The following PXDN variants were observed in gnomAD, a reference collection of about 807,000 sequenced individuals.
PXDN encodes the protein peroxidasin.
Under a neutral mutation model 140.3 loss-of-function variants are expected in PXDN, and 77 were observed. That is an observed-to-expected ratio of 0.55 (90% CI 0.46 to 0.66). PXDN has a LOEUF of 0.66. PXDN is among the 30% of genes least tolerant of loss of function. The pLI is 0.00. For missense variants in PXDN, 1,838 were observed against 2,039.5 expected, an observed-to-expected ratio of 0.90 and a Z score of 1.90; for synonymous variants, 911 against 857.4, an observed-to-expected ratio of 1.06 and a Z score of -1.09.
At chr2:1,665,335 G>C (rs1264858626) in intron 10 of PXDN, among the ~76,000 whole-genome samples, 1 of 152,166 alleles carries the variant, frequency 6.6e-6, no homozygotes, top group Non-Finnish European at 1.5e-5. Flanking sequence ...TGCACACGGG[G>C]CACGGATGAG....
chr2:1,720,025 G>GCAC, intron 1 of PXDN, among the ~76,000 whole-genome samples: 1 of 81,784 alleles, frequency 1.2e-5, no homozygotes, highest in Non-Finnish European at 2.3e-5. Context: ...GAGAGAGAGA[G>GCAC]AGAGAGAGGG....
chr2:1,649,247 G>T lies in PXDN; in HGVS notation c.2533C>A (p.Gln845Lys), dbSNP rs933173379. The T allele has an allele frequency of 6.2e-7, 1 of 1,613,032 alleles. No individual in the cohort carries two copies. The highest frequency in any genetic ancestry group is 8.5e-7 in the Non-Finnish European group (1 of 1,179,764). Residue 845 changes from glutamine (Q) to lysine (K), a missense_variant, in exon 17 of 23, where the codon CAG becomes AAG. Coordinates refer to ENST00000252804, the MANE Select transcript of PXDN (RefSeq NM_012293.3). This position sits in a 1 kb window ranked among gnomAD's most constrained non-coding sequence, Gnocchi z 7.1. ...TTGCTGCACACGTTGCTGCAGTGCT[G>T]TCCGTCGGAGAAGCGTGCCTGGCTC... ...ALSQARFSDG[Q>K]HCSNVCSNDP...
chr2:1,727,102 T>C (rs1164796410), intron 1 of PXDN, among the ~76,000 whole-genome samples: 2 of 152,210 alleles, frequency 1.3e-5, no homozygotes, highest in African/African-American at 4.8e-5. Flanking sequence ...TGCTTCCTTG[T>C]AATTTCCTGT....
chr2:1,670,884 G>C (rs1683556822), intron 9 of PXDN, among the ~76,000 whole-genome samples: 1 of 152,200 alleles, frequency 6.6e-6, no homozygotes, highest in African/African-American at 2.4e-5. Context: ...CAGTAGAAGA[G>C]AGAAATAAAT....
In PXDN at chr2:1,649,730, G is replaced by A. The variant is rs1682970466; in HGVS notation, c.2105-55C>T. 6.3e-7 allele frequency: 1 copy of A among 1,586,462 alleles called. No individual in the cohort carries two copies. Among genetic ancestry groups the A allele is most frequent in the Non-Finnish European group, 8.6e-7 (1 of 1,156,888 alleles). ...CAATTCCCCTGGAGGATGTGTGAGGGCCCGGTACCCCTTGGCACCTCTGCC... is the reference window on the plus strand; with the variant it reads ...CAATTCCCCTGGAGGATGTGTGAGGACCCGGTACCCCTTGGCACCTCTGCC... On this transcript the variant is annotated intron_variant, in intron 16 of 22. Transcript: ENST00000252804. This position sits in a 1 kb window ranked among gnomAD's most constrained non-coding sequence, Gnocchi z 7.1.
At position 1,638,792 on chromosome 2, in the gene PXDN, C is replaced by T. The variant is rs1379546706; in HGVS notation, c.4206+54G>A. ...CTATACCCAGAAGGTTCGGGCAGGG[C>T]TGTGCTGCTGTGGAATCTTGGAGTG... On this transcript the variant is annotated intron_variant, in intron 21 of 22. Coordinates refer to ENST00000252804, the MANE Select transcript of PXDN (RefSeq NM_012293.3). The T allele has an allele frequency of 3.8e-5, 61 of 1,610,940 alleles. No individual in the cohort carries two copies. The Admixed American group carries it at 8.2e-4, about 22-fold the overall frequency.
chr2:1,716,887 G>C (rs1295624918), intron 1 of PXDN, among the ~76,000 whole-genome samples: 1 of 152,164 alleles, frequency 6.6e-6, no homozygotes, highest in East Asian at 1.9e-4. Flanking sequence ...GTTCAGATAA[G>C]TGGGTCCCTG....
chr2:1,703,244 GGGGGGC>G (rs1684487479), intron 1 of PXDN, among the ~76,000 whole-genome samples: 1 of 13,730 alleles, frequency 7.3e-5, no homozygotes, highest in African/African-American at 4.6e-4. Flanking sequence ...CCTGGTGAAG[GGGGGGC>G]AACTCCAGGT....
chr2:1,653,419 G>A (rs1416845598), intron 16 of PXDN: 6 of 737,494 alleles, frequency 8.1e-6, no homozygotes, highest in Non-Finnish European at 1.4e-5. Flanking sequence ...GGGACTTCAC[G>A]TCCCCCAGAG....
intron 9 of PXDN, among the ~76,000 whole-genome samples, chr2:1,670,380 C>T (rs1683544776): frequency 6.6e-6 from 1 of 152,142 alleles, no homozygotes; most frequent in African/African-American, 2.4e-5. Context: ...AGAAAAATCA[C>T]TTGCCTCAAA....
intron 13 of PXDN, 91 bp downstream of exon 13, chr2:1,661,981 G>A (rs745531848): frequency 7.1e-5 from 84 of 1,184,474 alleles, no homozygotes; most frequent in Non-Finnish European, 9.1e-5. Flanking sequence ...GCACTGGTCC[G>A]CCTACCTTGC....
chr2:1,655,192 A>G (rs1188655753), intron 14 of PXDN, among the ~76,000 whole-genome samples: 3 of 151,556 alleles, frequency 2.0e-5, no homozygotes, highest in Non-Finnish European at 4.4e-5. Flanking sequence ...TTATACACAC[A>G]TGTCACATTA....
chr2:1,642,583 T>C (rs900652555), intron 19 of PXDN, among the ~76,000 whole-genome samples: 3 of 152,196 alleles, frequency 2.0e-5, no homozygotes, highest in Non-Finnish European at 4.4e-5. Context: ...CAAGAGTGAG[T>C]GCTCCACAAC....
At position 1,687,048 on chromosome 2, in the gene PXDN, C is replaced by T. The variant is rs952816626; in HGVS notation, c.416+584G>A. Among the ~76,000 whole-genome samples the T allele has an allele frequency of 2.0e-5, 3 of 152,332 alleles. No homozygotes were observed. Among genetic ancestry groups the T allele is most frequent in the South Asian group, 4.1e-4 (2 of 4,834 alleles). On this transcript the variant is annotated intron_variant, in intron 4 of 22. Transcript: ENST00000252804. The surrounding 1 kb of genome is among the most constrained non-coding windows in gnomAD (Gnocchi z 4.0). ...AGGACATTGTAATGAAAAATCAACA[C>T]GCTGACTTCACAGCAAAGTACGACT... is the stretch of plus-strand genomic sequence containing the variant.
rs1217789091 is a variant in PXDN, at chr2:1,633,169, T to TC, written c.*1034_*1035insG. Reference sequence around the variant, plus strand: ...ATACAAATGAGGTATAGGGATTCTTTTTTTTTTTTTTTTTTAACGCACTCA... The same window carrying TC: ...ATACAAATGAGGTATAGGGATTCTTTCTTTTTTTTTTTTTTTAACGCACTCA... On this transcript the variant is annotated 3_prime_UTR_variant, in exon 23 of 23. Transcript: ENST00000252804. 6.7e-6 allele frequency: 1 copy of TC among 149,330 alleles called. No homozygotes were observed. Among genetic ancestry groups the TC allele is most frequent in the Non-Finnish European group, 1.5e-5 (1 of 67,148 alleles). The allele number at this position is 149,330 out of a possible 1,614,324, so 9.3% of individuals were successfully genotyped here.
At chr2:1,676,654 C>A in intron 8 of PXDN, 2 of 499,752 alleles carry the variant, frequency 4.0e-6, no homozygotes. Flanking sequence ...CTCCCTCCCA[C>A]CGGGAAGGGC....
rs1682484690 is a variant in PXDN, at chr2:1,634,147, C to T, written c.*57G>A. 6 of 1,542,812 alleles carry T rather than the reference C, an allele frequency of 3.9e-6. No homozygotes were observed. Among genetic ancestry groups the T allele is most frequent in the Admixed American group, 2.0e-5 (1 of 50,696 alleles). ...TCTGCAGTCCGCAGCTCCCTGCCAT[C>T]GGCCACCCGATCTCACGATGGCACA... On this transcript the variant is annotated 3_prime_UTR_variant, in exon 23 of 23. Coordinates refer to ENST00000252804, the MANE Select transcript of PXDN (RefSeq NM_012293.3).
At chr2:1,658,220 G>A (rs1333711452) in intron 14 of PXDN, among the ~76,000 whole-genome samples, 1 of 151,772 alleles carries the variant, frequency 6.6e-6, no homozygotes, top group Non-Finnish European at 1.5e-5. Flanking sequence ...ATCTCCCTGT[G>A]TGGTTCCACT....
At chr2:1,724,312 G>T (rs374475626) in intron 1 of PXDN, among the ~76,000 whole-genome samples, 57 of 139,890 alleles carry the variant, frequency 4.1e-4, no homozygotes, top group Admixed American at 5.8e-4. Flanking sequence ...CTGAATTTCC[G>T]TTTTTTTTTT....
Sources: gnomAD v4.1 joint callset for allele counts (sites outside exome capture counted in the v4.1 genomes callset) on GRCh38, gnomAD v4.1.1 for gene constraint, Gnocchi (gnomAD v3.1) non-coding constraint, MANE v1.5 for transcripts, NCBI Gene and HGNC (gene_info 2026-07-23, HGNC 2026-07-21) for gene names.